The following CHODL variants were observed in gnomAD, a reference collection of about 807,000 sequenced individuals.
The protein encoded by CHODL is transmembrane protein MT75.
Under a neutral mutation model 34.5 loss-of-function variants are expected in CHODL, and 29 were observed. The observed-to-expected ratio is 0.84, with a 90% CI of 0.63 to 1.15. The LOEUF is 1.15. Ranked by LOEUF, CHODL falls within the 50% of genes most tolerant of loss-of-function variation. The probability of loss-of-function intolerance (pLI) is 0.00; values close to 1 mark genes in which losing one functional copy is unlikely to be tolerated. For missense variants in CHODL, 332 were observed against 332.5 expected (o/e 1.00, Z 0.01); for synonymous variants, 125 against 116.1 (o/e 1.08, Z -0.49).
chr21:18,005,189 C>T (rs1027998139), intron 1 of CHODL, among the ~76,000 whole-genome samples: 25 of 152,228 alleles, frequency 1.6e-4, no homozygotes, highest in African/African-American at 6.0e-4. Flanking sequence ...GGCTCTGCCA[C>T]TTCCTTGCAC....
At position 17,929,151 on chromosome 21, in the gene CHODL, T is replaced by TA. The variant is rs530699814; in HGVS notation, c.-145+11752dup. Among the ~76,000 whole-genome samples the TA allele has an allele frequency of 2.0e-3, 304 of 152,360 alleles. 3 individuals carry two copies. Among genetic ancestry groups the TA allele is most frequent in the African/African-American group, 7.0e-3 (290 of 41,584 alleles). ...CCATTATAGAAACAATTTCTTTTTT[T>TA]ATCCTGAAATAAACATATATTGCAG... On this transcript the variant is annotated intron_variant, in intron 1 of 6. Coordinates refer to the CHODL transcript ENST00000400127.
chr21:17,952,683 ATAAT>A (rs1270335022), intron 1 of CHODL, among the ~76,000 whole-genome samples: 2 of 152,210 alleles, frequency 1.3e-5, no homozygotes, highest in Non-Finnish European at 2.9e-5. Flanking sequence ...GGGGACATAA[ATAAT>A]TATGTTTTTA....
intron 1 of CHODL, among the ~76,000 whole-genome samples, chr21:17,986,692 G>A (rs753178982): frequency 2.6e-5 from 4 of 152,208 alleles, no homozygotes; most frequent in Admixed American, 1.3e-4. Flanking sequence ...TAATGGGATT[G>A]CTGATCAAAT....
intron 1 of CHODL, among the ~76,000 whole-genome samples, chr21:17,978,535 G>A (rs907617924): frequency 6.6e-6 from 1 of 150,670 alleles, no homozygotes; most frequent in Non-Finnish European, 1.5e-5. Flanking sequence ...TGGCTAACAC[G>A]ATGAAACCCC....
intron 1 of CHODL, among the ~76,000 whole-genome samples, chr21:18,000,103 T>C (rs1361466929): frequency 6.6e-6 from 1 of 152,286 alleles, no homozygotes; most frequent in East Asian, 1.9e-4. Context: ...AGTTGCAAAA[T>C]TGGGCTTTCG....
intron 2 of CHODL, among the ~76,000 whole-genome samples, chr21:18,229,781 C>T (rs1029444090): frequency 6.6e-6 from 1 of 152,126 alleles, no homozygotes; most frequent in African/African-American, 2.4e-5. Flanking sequence ...CAAAGTTGTA[C>T]ACTTTTACAG....
intron 2 of CHODL, among the ~76,000 whole-genome samples, chr21:18,042,718 T>C (rs933075291): frequency 1.3e-5 from 2 of 151,990 alleles, no homozygotes; most frequent in Non-Finnish European, 2.9e-5. Context: ...AGGTAAAATA[T>C]TTTAAGAGAG....
intron 1 of CHODL, among the ~76,000 whole-genome samples, chr21:17,986,088 G>A (rs73194537): frequency 6.6e-6 from 1 of 152,192 alleles, no homozygotes; most frequent in Non-Finnish European, 1.5e-5. Flanking sequence ...AAGGGCACAA[G>A]TATTTAGATC....
chr21:17,929,640 G>A (rs560686488), intron 1 of CHODL, among the ~76,000 whole-genome samples: 44 of 152,322 alleles, frequency 2.9e-4, no homozygotes, highest in African/African-American at 1.0e-3. Flanking sequence ...CACTCCCAGT[G>A]TGGATTTTCA....
intron 1 of CHODL, among the ~76,000 whole-genome samples, chr21:17,933,118 C>T (rs2063288868): frequency 6.6e-6 from 1 of 152,172 alleles, no homozygotes; most frequent in South Asian, 2.1e-4. Flanking sequence ...GGTGGTTTTC[C>T]CCTATCTCAG....
intron 2 of CHODL, among the ~76,000 whole-genome samples, chr21:18,043,154 T>C (rs989116748): frequency 2.6e-5 from 4 of 151,974 alleles, no homozygotes; most frequent in Non-Finnish European, 2.9e-5. Context: ...AGTCTATCTC[T>C]ACTATAGGGG....
intron 2 of CHODL, among the ~76,000 whole-genome samples, chr21:18,160,881 G>C (rs2073087664): frequency 2.0e-5 from 3 of 152,120 alleles, no homozygotes. Context: ...TGGTATTTCT[G>C]TCTTTAGGTC....
intron 2 of CHODL, among the ~76,000 whole-genome samples, chr21:18,236,943 A>G (rs2074033734): frequency 6.6e-6 from 1 of 152,132 alleles, no homozygotes; most frequent in Non-Finnish European, 1.5e-5. Flanking sequence ...GATACAGAAT[A>G]TGTTATAGTA....
At chr21:18,182,543 AAAAG>A (rs953121202) in intron 2 of CHODL, among the ~76,000 whole-genome samples, 2 of 152,222 alleles carry the variant, frequency 1.3e-5, no homozygotes, top group African/African-American at 4.8e-5. Context: ...AAGCTGGAAA[AAAAG>A]GATCTGTTGG....
At chr21:17,921,060 C>T (rs1322621241) in intron 1 of CHODL, among the ~76,000 whole-genome samples, 1 of 151,918 alleles carries the variant, frequency 6.6e-6, no homozygotes, top group Non-Finnish European at 1.5e-5. Flanking sequence ...AGAAACAGGA[C>T]CAATAGGATG....
At chr21:18,154,202 T>C (rs1046501268) in intron 2 of CHODL, among the ~76,000 whole-genome samples, 29 of 152,236 alleles carry the variant, frequency 1.9e-4, no homozygotes, top group African/African-American at 7.0e-4. Context: ...TATTTTGTAA[T>C]ATTGTTTATT....
At chr21:18,167,211 CTGTGTGTGTGTGTGTG>C (rs71329776) in intron 2 of CHODL, among the ~76,000 whole-genome samples, 27 of 88,136 alleles carry the variant, frequency 3.1e-4, no homozygotes, top group Non-Finnish European at 5.1e-4. Flanking sequence ...TTCTCTCTCT[CTGTGTGTGTGTGTGTG>C]TGTGTGTGTG....
chr21:18,194,923 C>T (rs2073564753), intron 2 of CHODL, among the ~76,000 whole-genome samples: 1 of 152,050 alleles, frequency 6.6e-6, no homozygotes, highest in Admixed American at 6.6e-5. Flanking sequence ...CTTAAGTTAA[C>T]ATATGCATTA....
chr21:18,090,726 G>T (rs896496943), intron 2 of CHODL, among the ~76,000 whole-genome samples: 1 of 125,172 alleles, frequency 8.0e-6, no homozygotes. Context: ...ATAATTTCCA[G>T]AAAAAAAAAA....
Sources: gnomAD v4.1 joint callset for allele counts (sites outside exome capture counted in the v4.1 genomes callset) on GRCh38, gnomAD v4.1.1 for gene constraint, MANE v1.5 for transcripts, NCBI Gene and HGNC (gene_info 2026-07-23, HGNC 2026-07-21) for gene names.